The following SHISA9 variants were observed in gnomAD, a reference collection of about 807,000 sequenced individuals.
SHISA9 encodes the protein shisa family member 9.
SHISA9 carries 13 observed loss-of-function variants against 38.0 expected under a neutral mutation model. That is an observed-to-expected ratio of 0.34 (90% CI 0.22 to 0.54). The LOEUF (loss-of-function observed/expected upper bound fraction) is 0.54. Ranked by LOEUF, SHISA9 falls within the 20% of genes least tolerant of loss-of-function variation. SHISA9 has a pLI of 0.91. For missense variants in SHISA9, 538 were observed against 575.8 expected (o/e 0.93, Z 0.67); for synonymous variants, 275 against 242.0 (o/e 1.14, Z -1.27).
intron 2 of SHISA9, among the ~76,000 whole-genome samples, chr16:13,068,106 T>G (rs1170023583): frequency 6.6e-6 from 1 of 152,154 alleles, no homozygotes; most frequent in Non-Finnish European, 1.5e-5. Context: ...GCTGGAACTG[T>G]GGGTTCATAA....
At chr16:13,413,251 T>A in the SHISA9 span, among the ~76,000 whole-genome samples, 23 of 152,346 alleles carry the variant, frequency 1.5e-4, no homozygotes, top group African/African-American at 5.3e-4. Context: ...ATCAGTGAAT[T>A]TGAGTAGACA....
chr16:13,028,871 A>T (rs2072957137), intron 2 of SHISA9, among the ~76,000 whole-genome samples: 1 of 152,124 alleles, frequency 6.6e-6, no homozygotes, highest in African/African-American at 2.4e-5. Context: ...CATGTTCTGG[A>T]GCCAGCTGGG....
At chr16:13,180,637 A>T (rs998541271) in intron 2 of SHISA9, among the ~76,000 whole-genome samples, 1 of 152,182 alleles carries the variant, frequency 6.6e-6, no homozygotes, top group Non-Finnish European at 1.5e-5. Context: ...GTTTGAGGCT[A>T]TAGTGAACCA....
intron 2 of SHISA9, among the ~76,000 whole-genome samples, chr16:13,067,115 A>T (rs1482981479): frequency 6.6e-6 from 1 of 152,236 alleles, no homozygotes; most frequent in Non-Finnish European, 1.5e-5. Flanking sequence ...TATATGGAGA[A>T]TTAAACTTTG....
Position 13,239,481 on chromosome 16 carries a change from C to T in SHISA9, c.*4072C>T, listed in dbSNP as rs2051417240. 1 of 151,734 alleles carries T rather than the reference C, an allele frequency of 6.6e-6. No homozygotes were observed. The highest frequency in any genetic ancestry group is 2.4e-5 in the African/African-American group (1 of 41,358). The allele number at this position is 151,734 out of a possible 1,614,324, so 9.4% of individuals were successfully genotyped here. A position where few individuals can be genotyped will look rare whatever the true frequency, so the allele number is the denominator to read the frequency against. On this transcript the variant is annotated 3_prime_UTR_variant, in exon 5 of 5. Coordinates refer to ENST00000558583, the MANE Select transcript of SHISA9 (RefSeq NM_001145204.3). ...GTGTAAAAGTGTTCCTATTTCTCCA[C>T]ATCCTCTCCAGCACCTGTTGTTTCC...
rs1385699041 is a variant in SHISA9 at position 13,238,778 on chromosome 16, CT to C, written c.*3374del. The C allele has an allele frequency of 2.8e-5, 4 of 144,026 alleles. No homozygotes were observed. The highest frequency in any genetic ancestry group is 6.1e-5 in the Non-Finnish European group (4 of 65,556). 8.9% of individuals were successfully genotyped at this position (144,026 alleles called of 1,614,324 possible). ...AGAGGGAAGTTTGGATAGGGAAGGT[CT>C]TTTTATTCTTTTTTTTTTAATGTAT... On this transcript the variant is annotated 3_prime_UTR_variant, in exon 5 of 5. Coordinates refer to ENST00000558583, the MANE Select transcript of SHISA9 (RefSeq NM_001145204.3).
chr16:13,347,415 A>G, the SHISA9 span, among the ~76,000 whole-genome samples: 2 of 152,178 alleles, frequency 1.3e-5, no homozygotes, highest in African/African-American at 4.8e-5. Flanking sequence ...CCATAATCCT[A>G]TTCCAAGTAA....
At chr16:13,092,217 C>G (rs988576288) in intron 2 of SHISA9, among the ~76,000 whole-genome samples, 1 of 152,184 alleles carries the variant, frequency 6.6e-6, no homozygotes, top group African/African-American at 2.4e-5. Context: ...GGGCAGCCAC[C>G]TATATGAGGT....
At chr16:13,161,366 G>C (rs1270404960) in intron 2 of SHISA9, among the ~76,000 whole-genome samples, 2 of 152,100 alleles carry the variant, frequency 1.3e-5, no homozygotes, top group Non-Finnish European at 2.9e-5. Context: ...ATAAGACCTG[G>C]ACCCTAACAC....
chr16:13,206,531 GGGCCAGGCACTTCCTA>G (rs2051065547), intron 3 of SHISA9, among the ~76,000 whole-genome samples: 1 of 152,164 alleles, frequency 6.6e-6, no homozygotes, highest in Admixed American at 6.5e-5. Context: ...GCCTAGCATA[GGGCCAGGCACTTCCTA>G]GGTGCTTAGC....
At position 12,970,446 on chromosome 16, in the gene SHISA9, T is replaced by C. The variant is rs1375364365; in HGVS notation, c.691+53631T>C. 1.2e-4 allele frequency among the ~76,000 whole-genome samples: 10 copies of C among 81,878 alleles called. 1 individual carries two copies. Among genetic ancestry groups the C allele is most frequent in the South Asian group, 3.4e-4 (1 of 2,914 alleles). 53.7% of individuals were successfully genotyped at this position (81,878 alleles called of 152,430 possible). On this transcript the variant is annotated intron_variant, in intron 2 of 4. Transcript: ENST00000558583. ...ATATATGTATATATATATACACACATATATATATACATATATGTGTGTGTA... is the reference window on the plus strand; with the variant it reads ...ATATATGTATATATATATACACACACATATATATACATATATGTGTGTGTA...
Position 13,061,788 on chromosome 16 carries a change from A to G in SHISA9, c.692-141606A>G, listed in dbSNP as rs1379760344. On this transcript the variant is annotated intron_variant, in intron 2 of 4. Coordinates refer to ENST00000558583, the MANE Select transcript of SHISA9 (RefSeq NM_001145204.3). ...AACAAACAAAAGGCCAACAGAATGA[A>G]AGAAACGGGATACGAAGTGATGGGT... Among the ~76,000 whole-genome samples, 3 of 152,212 alleles carry G rather than the reference A, an allele frequency of 2.0e-5. No individual in the cohort carries two copies. In the East Asian group the frequency reaches 5.8e-4, roughly 29 times the overall value.
At chr16:13,216,768 C>A (rs2051173277) in intron 4 of SHISA9, among the ~76,000 whole-genome samples, 1 of 152,160 alleles carries the variant, frequency 6.6e-6, no homozygotes, top group South Asian at 2.1e-4. Flanking sequence ...TTCTTACTGC[C>A]ACCTGCATTG....
chr16:13,110,162 T>G (rs1307264659), intron 2 of SHISA9, among the ~76,000 whole-genome samples: 1 of 152,190 alleles, frequency 6.6e-6, no homozygotes, highest in African/African-American at 2.4e-5. Flanking sequence ...TGGAATGCCC[T>G]CCACACATGG....
At chr16:12,956,638 A>G (rs1476086711) in intron 2 of SHISA9, among the ~76,000 whole-genome samples, 1 of 152,202 alleles carries the variant, frequency 6.6e-6, no homozygotes, top group African/African-American at 2.4e-5. Flanking sequence ...AAAATCAAAT[A>G]TCATGTTCTC....
chr16:13,525,281 G>T, the SHISA9 span, among the ~76,000 whole-genome samples: 4 of 152,160 alleles, frequency 2.6e-5, no homozygotes, highest in Non-Finnish European at 5.9e-5. Context: ...AGGGACAGTA[G>T]AGATAGTGTG....
At chr16:13,444,248 A>G in the SHISA9 span, among the ~76,000 whole-genome samples, 1 of 152,204 alleles carries the variant, frequency 6.6e-6, no homozygotes, top group South Asian at 2.1e-4. Context: ...GCACGCACCT[A>G]TAGTCCCAGC....
At chr16:12,961,285 A>G (rs2071908613) in intron 2 of SHISA9, among the ~76,000 whole-genome samples, 2 of 152,150 alleles carry the variant, frequency 1.3e-5, no homozygotes, top group Admixed American at 1.3e-4. Flanking sequence ...GAGGTAGCGG[A>G]GTGGAACATG....
At chr16:13,073,419 T>C (rs1017533762) in intron 2 of SHISA9, among the ~76,000 whole-genome samples, 1 of 152,172 alleles carries the variant, frequency 6.6e-6, no homozygotes, top group African/African-American at 2.4e-5. Flanking sequence ...GTCACTTGGA[T>C]GTGGAGTATT....
Sources: gnomAD v4.1 joint callset for allele counts (sites outside exome capture counted in the v4.1 genomes callset) on GRCh38, gnomAD v4.1.1 for gene constraint, MANE v1.5 for transcripts, NCBI Gene and HGNC (gene_info 2026-07-23, HGNC 2026-07-21) for gene names.